The following FOXN3 variants were observed in gnomAD, a reference collection of about 807,000 sequenced individuals.
FOXN3 encodes forkhead box protein N3.
FOXN3 carries 7 observed loss-of-function variants against 38.4 expected under a neutral mutation model. The observed-to-expected ratio is 0.18, with a 90% CI of 0.10 to 0.34. The LOEUF is 0.34. Ranked by LOEUF, FOXN3 falls within the 10% of genes least tolerant of loss-of-function variation. The pLI, the probability that FOXN3 is intolerant of heterozygous loss-of-function variation, is 1.00. For synonymous variants in FOXN3, 230 were observed against 242.2 expected, an observed-to-expected ratio of 0.95 and a Z score of 0.47; for missense variants, 456 against 613.4, an observed-to-expected ratio of 0.74 and a Z score of 2.71.
chr14:89,496,414 A>G (rs1893685036), intron 1 of FOXN3, among the ~76,000 whole-genome samples: 1 of 152,012 alleles, frequency 6.6e-6, no homozygotes. Flanking sequence ...CAGCCTGCTC[A>G]CTACACCCCG....
At chr14:89,437,657 G>A (rs1892299750) in intron 1 of FOXN3, among the ~76,000 whole-genome samples, 1 of 152,204 alleles carries the variant, frequency 6.6e-6, no homozygotes, top group Non-Finnish European at 1.5e-5. Context: ...CTAAGAAGGG[G>A]AGGCATGAAT....
chr14:89,496,220 A>T lies in FOXN3; in HGVS notation c.-14-83730T>A, dbSNP rs142231046. On this transcript the variant is annotated intron_variant, in intron 1 of 6. Transcript: ENST00000345097. ...AAGAGCAAAACTCCGTCTCAAAAAA[A>T]GAGTACTTGACTAGAGTTAACAATA... 2.8e-3 allele frequency among the ~76,000 whole-genome samples: 419 copies of T among 152,338 alleles called. 2 individuals are homozygous for T. Among genetic ancestry groups the T allele is most frequent in the African/African-American group, 9.3e-3 (387 of 41,584 alleles).
intron 1 of FOXN3, among the ~76,000 whole-genome samples, chr14:89,439,429 G>C (rs1255031861): frequency 6.6e-6 from 1 of 152,148 alleles, no homozygotes; most frequent in Non-Finnish European, 1.5e-5. Flanking sequence ...CCAAAACCAA[G>C]ATGGTGACGA....
At chr14:89,343,724 CA>C (rs202042499) in intron 3 of FOXN3, among the ~76,000 whole-genome samples, 87 of 104,144 alleles carry the variant, frequency 8.4e-4, no homozygotes, top group Non-Finnish European at 1.3e-3. Flanking sequence ...GAATTTATTC[CA>C]AAAAAAAAAA....
At chr14:89,530,103 C>A (rs985080333) in intron 1 of FOXN3, among the ~76,000 whole-genome samples, 4 of 152,000 alleles carry the variant, frequency 2.6e-5, no homozygotes, top group Non-Finnish European at 5.9e-5. Context: ...CCACGCCTGG[C>A]TAATTTTTGT....
chr14:89,469,065 A>C (rs1223636305), intron 1 of FOXN3, among the ~76,000 whole-genome samples: 1 of 152,086 alleles, frequency 6.6e-6, no homozygotes, highest in Non-Finnish European at 1.5e-5. Context: ...ACAAAATGGC[A>C]CTCCTTGTGT....
rs1181714593 is a variant in FOXN3 at position 89,548,845 on chromosome 14, G to A, written c.-15+70183C>T. 2.6e-5 allele frequency among the ~76,000 whole-genome samples: 4 copies of A among 152,104 alleles called. No individual in the cohort carries two copies. Among genetic ancestry groups the A allele is most frequent in the African/African-American group, 7.2e-5 (3 of 41,428 alleles). ...TTCAGTTTTTTATAATGTGCCGGGC[G>A]CGGTGGCTCACGCCTGTAATCCCAG... On this transcript the variant is annotated intron_variant, in intron 1 of 6. Transcript: ENST00000345097. The surrounding 1 kb of genome is among the most constrained non-coding windows in gnomAD (Gnocchi z 4.8).
At chr14:89,356,383 C>T (rs1299708611) in intron 2 of FOXN3, 3 of 151,348 alleles carry the variant, frequency 2.0e-5, no homozygotes, top group Non-Finnish European at 4.4e-5. Flanking sequence ...GGCGGCAGAG[C>T]GAGACTCGAT....
intron 1 of FOXN3, among the ~76,000 whole-genome samples, chr14:89,524,468 T>C (rs958283702): frequency 8.1e-5 from 8 of 99,234 alleles, no homozygotes; most frequent in South Asian, 3.2e-4. Context: ...AAGTAAATAA[T>C]AGAATGGAAA....
At chr14:89,188,453 G>T (rs1382818298) in intron 4 of FOXN3, among the ~76,000 whole-genome samples, 1 of 152,160 alleles carries the variant, frequency 6.6e-6, no homozygotes, top group Non-Finnish European at 1.5e-5. Flanking sequence ...AGATATTCCA[G>T]GCTCCAGCAG....
chr14:89,338,686 C>T (rs1030124404), intron 3 of FOXN3, among the ~76,000 whole-genome samples: 2 of 151,866 alleles, frequency 1.3e-5, no homozygotes, highest in African/African-American at 2.4e-5. Context: ...CCCAGCTACT[C>T]GGAGGCTGAG....
chr14:89,459,021 G>C (rs1200716137), intron 1 of FOXN3, among the ~76,000 whole-genome samples: 1 of 152,198 alleles, frequency 6.6e-6, no homozygotes, highest in African/African-American at 2.4e-5. Flanking sequence ...AGAAGGCTAA[G>C]CTAATATGTT....
At chr14:89,468,721 G>A (rs1893034613) in intron 1 of FOXN3, among the ~76,000 whole-genome samples, 1 of 152,118 alleles carries the variant, frequency 6.6e-6, no homozygotes, top group East Asian at 1.9e-4. Flanking sequence ...TGCCCAGTGT[G>A]CCAGGACGTA....
chr14:89,485,083 C>T (rs1286487444), intron 1 of FOXN3, among the ~76,000 whole-genome samples: 1 of 148,178 alleles, frequency 6.7e-6, no homozygotes, highest in Non-Finnish European at 1.5e-5. Context: ...ACCTGGGAGG[C>T]GGAGGTTACA....
chr14:89,463,999 G>C (rs964746917), intron 1 of FOXN3, among the ~76,000 whole-genome samples: 34 of 152,220 alleles, frequency 2.2e-4, no homozygotes, highest in African/African-American at 8.2e-4. Flanking sequence ...GGCCAGGCTG[G>C]TCTTGAACTC....
chr14:89,421,143 TTC>T (rs751028189), upstream of FOXN3, among the ~76,000 whole-genome samples: 12 of 121,652 alleles, frequency 9.9e-5, no homozygotes, highest in South Asian at 2.8e-4. Flanking sequence ...TTTTCTTTCT[TTC>T]TTTTTTTTTT....
At chr14:89,317,284 T>C (rs546250170) in intron 3 of FOXN3, among the ~76,000 whole-genome samples, 3 of 152,334 alleles carry the variant, frequency 2.0e-5, no homozygotes, top group Non-Finnish European at 2.9e-5. Context: ...AAGGTAACTC[T>C]TCCTACCAGC....
At chr14:89,310,453 T>C (rs1887502483) in intron 3 of FOXN3, among the ~76,000 whole-genome samples, 1 of 152,338 alleles carries the variant, frequency 6.6e-6, no homozygotes, top group South Asian at 2.1e-4. Context: ...TCCAGTTGGA[T>C]AAAGCTGCCC....
At chr14:89,425,184 C>T (rs1892001063) in intron 1 of FOXN3, among the ~76,000 whole-genome samples, 2 of 151,426 alleles carry the variant, frequency 1.3e-5, no homozygotes, top group African/African-American at 4.9e-5. Context: ...AATTCTCCCA[C>T]CTCAGCCTCC....
Sources: gnomAD v4.1 joint callset for allele counts (sites outside exome capture counted in the v4.1 genomes callset) on GRCh38, gnomAD v4.1.1 for gene constraint, Gnocchi (gnomAD v3.1) non-coding constraint, MANE v1.5 for transcripts, NCBI Gene and HGNC (gene_info 2026-07-23, HGNC 2026-07-21) for gene names.